Variants in JMJD1C observed in about 807,000 individuals in gnomAD.
The protein encoded by JMJD1C is jumonji domain containing 1C.
JMJD1C carries 31 observed loss-of-function variants against 245.3 expected under a neutral mutation model. That is an observed-to-expected ratio of 0.13 (90% CI 0.09 to 0.17). JMJD1C has a LOEUF of 0.17. JMJD1C is among the 10% of genes least tolerant of loss of function. JMJD1C has a pLI of 1.00. For synonymous variants in JMJD1C, 1,057 were observed against 1,017.4 expected (o/e 1.04, Z -0.74); for missense variants, 2,691 against 3,000.2 (o/e 0.90, Z 2.41).
At chr10:63,435,997 A>C (rs1249947672) in intron 1 of JMJD1C, among the ~76,000 whole-genome samples, 3 of 152,242 alleles carry the variant, frequency 2.0e-5, no homozygotes, top group African/African-American at 7.2e-5. Context: ...ATTCAAAGAA[A>C]GGCAAAACCC....
At chr10:63,231,430 A>G (rs1006053626) in intron 3 of JMJD1C, among the ~76,000 whole-genome samples, 1 of 152,208 alleles carries the variant, frequency 6.6e-6, no homozygotes, top group South Asian at 2.1e-4. Context: ...TATAGAAATC[A>G]ATGAGCAAGC....
At chr10:63,428,108 C>T (rs1399922082) in intron 1 of JMJD1C, among the ~76,000 whole-genome samples, 1 of 152,106 alleles carries the variant, frequency 6.6e-6, no homozygotes, top group East Asian at 1.9e-4. Context: ...CTTTACCAAA[C>T]ATCATAGATT....
chr10:63,363,246 ACAATT>A (rs1945543451), intron 2 of JMJD1C, among the ~76,000 whole-genome samples: 2 of 147,882 alleles, frequency 1.4e-5, no homozygotes, highest in Non-Finnish European at 3.0e-5. Flanking sequence ...TTCTCTTCAT[ACAATT>A]CTTTTTTTTT....
chr10:63,507,073 C>T (rs1954740226), intron 1 of JMJD1C, among the ~76,000 whole-genome samples: 2 of 152,152 alleles, frequency 1.3e-5, no homozygotes, highest in African/African-American at 4.8e-5. Flanking sequence ...TCAGGTTCCT[C>T]CATGTCTCTT....
chr10:63,443,953 T>C (rs1309748534), intron 1 of JMJD1C, among the ~76,000 whole-genome samples: 1 of 152,158 alleles, frequency 6.6e-6, no homozygotes, highest in African/African-American at 2.4e-5. Flanking sequence ...CTGTATACAG[T>C]AGTATGAATC....
intron 24 of JMJD1C, among the ~76,000 whole-genome samples, chr10:63,172,716 T>C (rs1842485763): frequency 6.8e-6 from 1 of 147,146 alleles, no homozygotes; most frequent in South Asian, 2.3e-4. Context: ...ACCAAGAAGG[T>C]GAAATTTGAA....
At chr10:63,341,568 T>C (rs929256943) in intron 2 of JMJD1C, among the ~76,000 whole-genome samples, 5 of 152,190 alleles carry the variant, frequency 3.3e-5, no homozygotes, top group African/African-American at 4.8e-5. Flanking sequence ...TGAAAAGGAA[T>C]GGGACATCTT....
chr10:63,213,976 G>T lies in JMJD1C; in HGVS notation c.2191C>A (p.Pro731Thr), dbSNP rs1176295425. Residue 731 changes from proline (P) to threonine (T), a missense_variant, in exon 8 of 26, where the codon CCT becomes ACT. Coordinates refer to ENST00000399262, the MANE Select transcript of JMJD1C (RefSeq NM_032776.3). ...GGAAAAGGATGCTGGCTTAGGAAAG[G>T]TGAAATATGATTAGCTCCTGTTTCT... Reference protein sequence around the residue: ...GSETGANHISPFLSQHPFPLH... With the variant: ...GSETGANHISTFLSQHPFPLH... The T allele has an allele frequency of 6.2e-7, 1 of 1,614,170 alleles. No individual in the cohort carries two copies.
intron 2 of JMJD1C, among the ~76,000 whole-genome samples, chr10:63,308,941 A>G (rs1938714364): frequency 6.6e-6 from 1 of 152,164 alleles, no homozygotes; most frequent in African/African-American, 2.4e-5. Context: ...AGAAGATTCT[A>G]TATGCTTTTA....
intron 3 of JMJD1C, among the ~76,000 whole-genome samples, chr10:63,239,560 T>C (rs1008790178): frequency 6.6e-6 from 1 of 152,194 alleles, no homozygotes; most frequent in African/African-American, 2.4e-5. Flanking sequence ...TTCTCCTGCC[T>C]CAGCCTCCTG....
Position 63,222,317 on chromosome 10 carries a change from C to T in JMJD1C, c.448-2334G>A, listed in dbSNP as rs1848692331. ...GTTTATGATTACAGGTGGAAATCTA[C>T]AAGACAGTAAAGATGCACTGCATTT... On this transcript the variant is annotated intron_variant, in intron 3 of 25. Transcript: ENST00000399262. 11 of 1,320,584 alleles carry T rather than the reference C, an allele frequency of 8.3e-6. No homozygotes were observed. In the Admixed American group the frequency reaches 1.9e-4, roughly 22 times the overall value. The allele number at this position is 1,320,584 out of a possible 1,614,324, so 81.8% of individuals were successfully genotyped here.
chr10:63,448,380 C>CGTCA (rs1156890186), intron 1 of JMJD1C, among the ~76,000 whole-genome samples: 1 of 152,112 alleles, frequency 6.6e-6, no homozygotes, highest in African/African-American at 2.4e-5. Flanking sequence ...TGCTCTCGAA[C>CGTCA]TCCTGACCTC....
At chr10:63,472,624 G>A (rs1174371294) in intron 1 of JMJD1C, among the ~76,000 whole-genome samples, 3 of 151,306 alleles carry the variant, frequency 2.0e-5, no homozygotes, top group Non-Finnish European at 2.9e-5. Flanking sequence ...GAGCCACTGC[G>A]CCCCGCCCTG....
intron 2 of JMJD1C, among the ~76,000 whole-genome samples, chr10:63,326,061 A>T (rs898426810): frequency 1.3e-5 from 2 of 152,268 alleles, no homozygotes; most frequent in African/African-American, 4.8e-5. Flanking sequence ...AACTAAGAAC[A>T]TCTTTCACGT....
In JMJD1C at chr10:63,379,036, C is replaced by A. The variant is rs1947003308; in HGVS notation, c.333+1282G>T. Among the ~76,000 whole-genome samples, 4 of 151,976 alleles carry A rather than the reference C, an allele frequency of 2.6e-5. No individual in the cohort carries two copies. The South Asian group carries it at 8.3e-4, about 32-fold the overall frequency. On this transcript the variant is annotated intron_variant, in intron 2 of 25. Transcript: ENST00000399262. Reference sequence around the variant, plus strand: ...TTCACTCTCTTCCCTCCCTTCCTATCCTGTCTTTTTATTCATATCTCCACT... The same window carrying A: ...TTCACTCTCTTCCCTCCCTTCCTATACTGTCTTTTTATTCATATCTCCACT...
intron 1 of JMJD1C, among the ~76,000 whole-genome samples, chr10:63,483,567 ATT>A (rs1159391299): frequency 6.6e-6 from 1 of 152,198 alleles, no homozygotes; most frequent in East Asian, 1.9e-4. Context: ...TTGTGAGAAA[ATT>A]TTTGTTTATA....
At chr10:63,461,982 T>C (rs1328536967) in intron 1 of JMJD1C, among the ~76,000 whole-genome samples, 1 of 152,170 alleles carries the variant, frequency 6.6e-6, no homozygotes, top group Non-Finnish European at 1.5e-5. Flanking sequence ...CTGCCAGTTT[T>C]CCTTAAACTA....
chr10:63,167,713 C>T lies in JMJD1C; in HGVS notation c.*332G>A, dbSNP rs528800077. On this transcript the variant is annotated 3_prime_UTR_variant, in exon 26 of 26. Transcript: ENST00000399262. ...AGTAAACTGTACAAGGTCACATTTACACTTGATCAACAATATAGCATAGAA... is the reference window on the plus strand; with the variant it reads ...AGTAAACTGTACAAGGTCACATTTATACTTGATCAACAATATAGCATAGAA... The T allele has an allele frequency of 1.1e-5, 2 of 178,718 alleles. No homozygotes were observed. The highest frequency in any genetic ancestry group is 4.7e-5 in the African/African-American group (2 of 42,614). 11.1% of individuals were successfully genotyped at this position (178,718 alleles called of 1,614,324 possible). A position where few individuals can be genotyped will look rare whatever the true frequency, so the allele number is the denominator to read the frequency against.
At chr10:63,519,294 T>C (rs980523685) in intron 1 of JMJD1C, among the ~76,000 whole-genome samples, 6 of 152,218 alleles carry the variant, frequency 3.9e-5, no homozygotes, top group African/African-American at 1.4e-4. Context: ...AAGGCATTAA[T>C]GTACTAGGAT....
Sources: allele counts gnomAD v4.1 joint callset (sites outside exome capture counted in the v4.1 genomes callset), GRCh38; gene constraint gnomAD v4.1.1; transcripts MANE v1.5; gene names NCBI Gene and HGNC (gene_info 2026-07-23, HGNC 2026-07-21).